The following HLCS variants were observed in gnomAD, a reference collection of about 807,000 sequenced individuals.
HLCS encodes the protein holocarboxylase synthetase, also known as biotin--protein ligase.
Under a neutral mutation model 75.0 loss-of-function variants are expected in HLCS, and 53 were observed. The observed-to-expected ratio is 0.71, with a 90% CI of 0.57 to 0.89. The LOEUF (loss-of-function observed/expected upper bound fraction) is 0.89. Ranked by LOEUF, HLCS falls within the 40% of genes least tolerant of loss-of-function variation. The pLI, the probability that HLCS is intolerant of heterozygous loss-of-function variation, is 0.00. For missense variants in HLCS, 966 were observed against 1,074.0 expected, an observed-to-expected ratio of 0.90 and a Z score of 1.41; for synonymous variants, 431 against 428.6, an observed-to-expected ratio of 1.01 and a Z score of -0.07.
Position 36,936,705 on chromosome 21 carries a change from G to A in HLCS, c.1181C>T (p.Ser394Phe). The change falls in exon 4 of 11, where the codon TCT (serine) becomes TTT (phenylalanine). Residue 394 changes from serine to phenylalanine, a missense_variant. Transcript: ENST00000674895. ...AAAGCCACCAAAGGTGAAGGATGAA[G>A]ACAGGCCCAACACCTTCCCTCCCTG... ...LSQGGKVLGLSSSFTFGGFQV... is the reference protein window; with the variant it reads ...LSQGGKVLGLFSSFTFGGFQV... The A allele has an allele frequency of 2.5e-6, 4 of 1,614,222 alleles. No homozygotes were observed. The highest frequency in any genetic ancestry group is 1.6e-4 in the Middle Eastern group (1 of 6,062).
chr21:36,892,106 C>T (rs1301275631), intron 6 of HLCS, among the ~76,000 whole-genome samples: 1 of 152,186 alleles, frequency 6.6e-6, no homozygotes, highest in Non-Finnish European at 1.5e-5. Flanking sequence ...TAGAGGGCTA[C>T]TAAAGTCCTG....
Position 36,754,402 on chromosome 21 carries a change from A to G in HLCS, c.2466T>C (p.His822=). ...CCTTTGGTCCCTCTGCGCTGCCCAG[A>G]TGGACTTGCTGACCACTGAAAAGGA... The part of the protein sequence containing the change: ...RYWVHSGQQV[H]LGSAEGPKVS... The change falls in exon 11 of 11, where the codon CAT becomes CAC. Residue 822 remains histidine (H), a synonymous_variant. Transcript: ENST00000674895. The G allele has an allele frequency of 6.2e-7, 1 of 1,613,016 alleles. No homozygotes were observed. The highest frequency in any genetic ancestry group is 1.3e-5 in the African/African-American group (1 of 75,054).
intron 6 of HLCS, among the ~76,000 whole-genome samples, chr21:36,836,476 C>G (rs958041956): frequency 4.2e-5 from 5 of 118,630 alleles, no homozygotes; most frequent in African/African-American, 1.6e-4. Flanking sequence ...CCCCACCCCA[C>G]AACAGTCCCC....
chr21:36,888,311 A>G (rs2064559091), intron 6 of HLCS, among the ~76,000 whole-genome samples: 1 of 151,566 alleles, frequency 6.6e-6, no homozygotes, highest in Non-Finnish European at 1.5e-5. Flanking sequence ...TTTGGGACTG[A>G]CTAGGTAGGT....
upstream of HLCS, among the ~76,000 whole-genome samples, chr21:36,968,989 T>G (rs1569265516): frequency 6.6e-6 from 1 of 152,174 alleles, no homozygotes; most frequent in African/African-American, 2.4e-5. Context: ...ATGGGAAAAT[T>G]ACATTTTGGG....
chr21:36,926,378 C>T (rs1043136623), intron 5 of HLCS, among the ~76,000 whole-genome samples: 3 of 152,156 alleles, frequency 2.0e-5, no homozygotes, highest in African/African-American at 4.8e-5. Context: ...ACTATCAGAG[C>T]GAACCCTTTC....
At chr21:36,849,929 T>A (rs557726515) in intron 6 of HLCS, among the ~76,000 whole-genome samples, 89 of 152,198 alleles carry the variant, frequency 5.8e-4, no homozygotes, top group Non-Finnish European at 1.1e-3. Context: ...GCCTTATCTA[T>A]GAGAAAGCTC....
chr21:36,916,383 CTTG>C (rs2065929883), intron 5 of HLCS, among the ~76,000 whole-genome samples: 1 of 151,974 alleles, frequency 6.6e-6, no homozygotes, highest in Admixed American at 6.6e-5. Flanking sequence ...GAGATAGGGT[CTTG>C]CTTGCTCAAC....
At chr21:36,829,088 T>A (rs553049058) in intron 6 of HLCS, among the ~76,000 whole-genome samples, 1 of 152,220 alleles carries the variant, frequency 6.6e-6, no homozygotes, top group African/African-American at 2.4e-5. Flanking sequence ...CTTTACACAT[T>A]GTCTTTGGAT....
chr21:36,914,717 G>C (rs2065857004), intron 5 of HLCS, among the ~76,000 whole-genome samples: 1 of 152,234 alleles, frequency 6.6e-6, no homozygotes, highest in African/African-American at 2.4e-5. Context: ...GAGAAAGCCA[G>C]GGTTGGCTCT....
At chr21:36,880,073 T>G (rs191160249) in intron 6 of HLCS, among the ~76,000 whole-genome samples, 367 of 152,312 alleles carry the variant, frequency 2.4e-3, no homozygotes, top group Admixed American at 4.2e-3. Flanking sequence ...CATTTGTTTG[T>G]CTGATTTAAG....
chr21:36,930,521 TAA>T, intron 4 of HLCS, 88 bp from the exon 5 acceptor site: 1 of 1,126,510 alleles, frequency 8.9e-7, no homozygotes, highest in Non-Finnish European at 1.3e-6. Context: ...TTTTTTTTTT[TAA>T]ATTTAGAGAC....
chr21:36,888,439 AAAAAAAATATATATAT>A (rs1369523226), intron 6 of HLCS, among the ~76,000 whole-genome samples: 10 of 32,210 alleles, frequency 3.1e-4, no homozygotes, highest in African/African-American at 9.6e-4. Context: ...ATTTAAAAAA[AAAAAAAATATATATAT>A]ATATATATAT....
At chr21:36,985,328 G>C (rs1436885694) in intron 1 of HLCS, among the ~76,000 whole-genome samples, 1 of 152,196 alleles carries the variant, frequency 6.6e-6, no homozygotes, top group Non-Finnish European at 1.5e-5. Context: ...TCATGACCTT[G>C]ACATCTTTTA....
chr21:36,917,286 A>C (rs2065973392), intron 5 of HLCS, among the ~76,000 whole-genome samples: 1 of 152,196 alleles, frequency 6.6e-6, no homozygotes, highest in Non-Finnish European at 1.5e-5. Context: ...TTAGCTTTTG[A>C]TCTGAACAAG....
At chr21:36,843,830 A>AC (rs1808807880) in intron 6 of HLCS, among the ~76,000 whole-genome samples, 1 of 151,892 alleles carries the variant, frequency 6.6e-6, no homozygotes, top group Non-Finnish European at 1.5e-5. Flanking sequence ...ACAAAGAGAG[A>AC]CCCCGTCACT....
chr21:36,764,869 T>TC (rs1205584664), intron 8 of HLCS, 143 bp downstream of exon 8: 9 of 866,462 alleles, frequency 1.0e-5, no homozygotes, highest in African/African-American at 9.8e-5. Flanking sequence ...CTCTGAAAAC[T>TC]CCGAGAGCAC....
At chr21:36,956,706 G>C (rs1423119786) in intron 2 of HLCS, among the ~76,000 whole-genome samples, 1 of 151,994 alleles carries the variant, frequency 6.6e-6, no homozygotes, top group African/African-American at 2.4e-5. Context: ...CTCTAGCCTA[G>C]GCAACAGAGC....
At chr21:36,955,037 G>A (rs1165441033) in intron 2 of HLCS, among the ~76,000 whole-genome samples, 1 of 152,170 alleles carries the variant, frequency 6.6e-6, no homozygotes, top group Non-Finnish European at 1.5e-5. Context: ...CTCTAGCCTG[G>A]GCAGCAGAGT....
Sources: allele counts gnomAD v4.1 joint callset (sites outside exome capture counted in the v4.1 genomes callset), GRCh38; gene constraint gnomAD v4.1.1; transcripts MANE v1.5; gene names NCBI Gene and HGNC (gene_info 2026-07-23, HGNC 2026-07-21).